Variants in CACNA2D3 observed in about 807,000 individuals in gnomAD.
The protein encoded by CACNA2D3 is voltage-dependent calcium channel subunit alpha-2/delta-3.
CACNA2D3 carries 60 observed loss-of-function variants against 160.6 expected under a neutral mutation model. That is an observed-to-expected ratio of 0.37 (90% confidence interval 0.30 to 0.46). The LOEUF (loss-of-function observed/expected upper bound fraction) is 0.46, where lower values mean the gene tolerates loss of function less well. CACNA2D3 is among the 20% of genes least tolerant of loss of function. CACNA2D3 has a pLI of 1.00. For missense variants in CACNA2D3, 1,205 were observed against 1,365.0 expected (o/e 0.88, Z 1.85); for synonymous variants, 558 against 492.9 (o/e 1.13, Z -1.75).
At chr3:54,212,763 G>T (rs1701398364) in intron 2 of CACNA2D3, among the ~76,000 whole-genome samples, 1 of 152,020 alleles carries the variant, frequency 6.6e-6, no homozygotes, top group Non-Finnish European at 1.5e-5. Context: ...TTTTATTTTT[G>T]GTTTACAGAG....
At chr3:54,358,913 C>T (rs1266047346) in intron 3 of CACNA2D3, among the ~76,000 whole-genome samples, 1 of 151,980 alleles carries the variant, frequency 6.6e-6, no homozygotes, top group East Asian at 1.9e-4. Context: ...TTTTTCCTCC[C>T]ACCTTCCTTT....
At chr3:54,668,726 C>T (rs536712980) in intron 11 of CACNA2D3, among the ~76,000 whole-genome samples, 1 of 152,368 alleles carries the variant, frequency 6.6e-6, no homozygotes, top group South Asian at 2.1e-4. Flanking sequence ...AGACAGGGAA[C>T]CTGTGGGAAC....
chr3:54,709,759 T>C (rs186091899), intron 11 of CACNA2D3, among the ~76,000 whole-genome samples: 192 of 152,208 alleles, frequency 1.3e-3, no homozygotes, highest in African/African-American at 3.6e-3. Context: ...ACCCTATCCA[T>C]ACAAAAAAAT....
intron 27 of CACNA2D3, chr3:54,928,045 T>C: frequency 1.3e-6 from 1 of 794,196 alleles, no homozygotes. Flanking sequence ...CTTGCTTTTC[T>C]TCAATGCAGA....
chr3:54,326,952 T>A (rs1361822515), intron 3 of CACNA2D3, among the ~76,000 whole-genome samples: 1 of 152,186 alleles, frequency 6.6e-6, no homozygotes, highest in Non-Finnish European at 1.5e-5. Flanking sequence ...CCCCTTTTTT[T>A]GGTAAACTGG....
At chr3:54,192,470 A>C (rs185997408) in intron 2 of CACNA2D3, among the ~76,000 whole-genome samples, 32 of 152,330 alleles carry the variant, frequency 2.1e-4, no homozygotes, top group African/African-American at 7.0e-4. Context: ...GTAGCCAAAC[A>C]GACCCTTGGG....
chr3:54,882,120 C>T (rs1699812423), intron 21 of CACNA2D3, among the ~76,000 whole-genome samples: 1 of 152,212 alleles, frequency 6.6e-6, no homozygotes, highest in South Asian at 2.1e-4. Context: ...GTGACTTGAG[C>T]AAGACACTCT....
At chr3:54,392,801 G>C (rs1699303882) in intron 4 of CACNA2D3, among the ~76,000 whole-genome samples, 1 of 152,154 alleles carries the variant, frequency 6.6e-6, no homozygotes, top group Non-Finnish European at 1.5e-5. Context: ...GGAAACCCAG[G>C]AAAGGAGAGA....
intron 3 of CACNA2D3, among the ~76,000 whole-genome samples, chr3:54,353,942 T>C (rs1374473413): frequency 6.6e-6 from 1 of 152,206 alleles, no homozygotes; most frequent in East Asian, 1.9e-4. Context: ...CGGCTTTTTA[T>C]CATGTTTGCC....
intron 34 of CACNA2D3, among the ~76,000 whole-genome samples, chr3:55,015,688 A>T (rs1278646066): frequency 6.6e-6 from 1 of 152,204 alleles, no homozygotes; most frequent in Non-Finnish European, 1.5e-5. Flanking sequence ...AATCAGAACC[A>T]TGAAAATAAA....
At chr3:54,799,434 T>C (rs1702936163) in intron 13 of CACNA2D3, among the ~76,000 whole-genome samples, 1 of 152,134 alleles carries the variant, frequency 6.6e-6, no homozygotes, top group African/African-American at 2.4e-5. Flanking sequence ...ACAAAGTGTA[T>C]GTGTTGGGGG....
intron 13 of CACNA2D3, among the ~76,000 whole-genome samples, chr3:54,802,484 T>C (rs1703014415): frequency 6.6e-6 from 1 of 152,188 alleles, no homozygotes; most frequent in Non-Finnish European, 1.5e-5. Context: ...CCTGAGTATT[T>C]TTGAAGCTGA....
chr3:54,552,253 C>T (rs927973621), intron 5 of CACNA2D3, among the ~76,000 whole-genome samples: 3 of 152,150 alleles, frequency 2.0e-5, no homozygotes, highest in Non-Finnish European at 4.4e-5. Context: ...CCATCCTGCC[C>T]TCTTTAATGT....
chr3:54,447,736 T>C (rs1465401188), intron 4 of CACNA2D3, among the ~76,000 whole-genome samples: 1 of 152,206 alleles, frequency 6.6e-6, no homozygotes, highest in African/African-American at 2.4e-5. Flanking sequence ...AGTGATGCTT[T>C]GGCAGTGGGG....
chr3:54,819,593 T>C (rs1337727709), intron 14 of CACNA2D3, among the ~76,000 whole-genome samples: 3 of 152,206 alleles, frequency 2.0e-5, no homozygotes, highest in African/African-American at 7.2e-5. Flanking sequence ...ACGCCTGTAA[T>C]CCTAGTGCTT....
intron 11 of CACNA2D3, among the ~76,000 whole-genome samples, chr3:54,736,676 T>G (rs1442175789): frequency 6.6e-6 from 1 of 152,208 alleles, no homozygotes; most frequent in Non-Finnish European, 1.5e-5. Flanking sequence ...GTTCTCTGTC[T>G]TTTGTTTATT....
intron 11 of CACNA2D3, among the ~76,000 whole-genome samples, chr3:54,724,449 A>T (rs754828023): frequency 2.0e-5 from 3 of 152,208 alleles, no homozygotes; most frequent in Non-Finnish European, 4.4e-5. Context: ...CTCCATCCCA[A>T]ATAAACAGAA....
intron 11 of CACNA2D3, among the ~76,000 whole-genome samples, chr3:54,737,139 A>G (rs1345139514): frequency 1.3e-5 from 2 of 151,994 alleles, no homozygotes; most frequent in Non-Finnish European, 1.5e-5. Context: ...AACAGTGAAC[A>G]AAACTAATAT....
intron 5 of CACNA2D3, among the ~76,000 whole-genome samples, chr3:54,512,809 A>G (rs1243081788): frequency 6.6e-6 from 1 of 152,222 alleles, no homozygotes. Flanking sequence ...GTCTGTTTTC[A>G]TACTGCTGAT....
Sources: allele counts gnomAD v4.1 joint callset (sites outside exome capture counted in the v4.1 genomes callset), GRCh38; gene constraint gnomAD v4.1.1; transcripts MANE v1.5; gene names NCBI Gene and HGNC (gene_info 2026-07-23, HGNC 2026-07-21).